Variants in BAG3 observed in about 807,000 individuals in gnomAD.
The protein encoded by BAG3 is BAG cochaperone 3.
BAG3 carries 14 observed loss-of-function variants against 40.5 expected under a neutral mutation model. That is an observed-to-expected ratio of 0.35 (90% CI 0.23 to 0.54). BAG3 has a LOEUF of 0.54. Among genes scored for constraint, BAG3 ranks in the 20% least tolerant of loss-of-function variants. The probability of loss-of-function intolerance (pLI) is 0.91; values close to 1 mark genes in which losing one functional copy is unlikely to be tolerated. For missense variants in BAG3, 788 were observed against 758.6 expected (o/e 1.04, Z -0.46); for synonymous variants, 302 against 307.8 (o/e 0.98, Z 0.20).
chr10:119,653,116 G>C (rs143596459), intron 1 of BAG3, among the ~76,000 whole-genome samples: 51 of 152,226 alleles, frequency 3.4e-4, no homozygotes, highest in Middle Eastern at 3.4e-3. Context: ...TGCACTTTTT[G>C]TTTTAACAAT....
Position 119,672,489 on chromosome 10 carries a change from C to T in BAG3, c.742C>T (p.His248Tyr), listed in dbSNP as rs753879943. 5.6e-6 allele frequency: 9 copies of T among 1,614,226 alleles called. No homozygotes were observed. The highest frequency in any genetic ancestry group is 7.6e-6 in the Non-Finnish European group (9 of 1,180,036). ...GEYQTHQPVY[H>Y]KIQGDDWEPR... ...GTACCAGACCCACCAGCCTGTGTAC[C>T]ACAAGATCCAGGGGGATGACTGGGA... Residue 248 changes from histidine to tyrosine, a missense_variant, in exon 3 of 4, where the codon CAC becomes TAC. His to Tyr is a moderately conservative substitution (Grantham distance 83). Coordinates refer to ENST00000369085, the MANE Select transcript of BAG3 (RefSeq NM_004281.4). This position sits in a 1 kb window ranked among gnomAD's most constrained non-coding sequence, Gnocchi z 4.8.
chr10:119,667,196 T>G (rs1440408878), intron 1 of BAG3, among the ~76,000 whole-genome samples: 2 of 152,126 alleles, frequency 1.3e-5, no homozygotes, highest in Non-Finnish European at 2.9e-5. Context: ...AGGCTGGTCT[T>G]GAACTCCTGA....
At chr10:119,674,687 G>A (rs925123494) in intron 3 of BAG3, among the ~76,000 whole-genome samples, 3 of 152,216 alleles carry the variant, frequency 2.0e-5, no homozygotes, top group South Asian at 2.1e-4. Flanking sequence ...AAGGCCAAGC[G>A]CAGTGGCTCA....
chr10:119,653,468 T>G (rs1412270460), intron 1 of BAG3, among the ~76,000 whole-genome samples: 2 of 152,196 alleles, frequency 1.3e-5, no homozygotes, highest in African/African-American at 4.8e-5. Flanking sequence ...ACATAAACAT[T>G]CCCAGCACTT....
chr10:119,659,005 T>A (rs946068538), intron 1 of BAG3, among the ~76,000 whole-genome samples: 4 of 151,968 alleles, frequency 2.6e-5, no homozygotes, highest in African/African-American at 9.7e-5. Context: ...AGGCCTGGGG[T>A]CTTGTTTCTT....
intron 2 of BAG3, 150 bp downstream of exon 2, chr10:119,670,327 G>A: frequency 1.2e-6 from 1 of 820,202 alleles, no homozygotes; most frequent in Non-Finnish European, 1.9e-6. Context: ...AGGTCACCCA[G>A]CAAAGACAGG....
intron 3 of BAG3, among the ~76,000 whole-genome samples, chr10:119,674,426 G>A (rs1400857408): frequency 6.6e-6 from 1 of 152,212 alleles, no homozygotes; most frequent in African/African-American, 2.4e-5. Context: ...CTCATCATCA[G>A]TGAAATGATA....
Position 119,677,585 on chromosome 10 carries a change from C to T in BAG3, c.*303C>T. 2.1e-6 allele frequency: 1 copy of T among 468,794 alleles called. No individual in the cohort carries two copies. Among genetic ancestry groups the T allele is most frequent in the Non-Finnish European group, 3.9e-6 (1 of 256,570 alleles). 29.0% of individuals were successfully genotyped at this position (468,794 alleles called of 1,614,324 possible). On this transcript the variant is annotated 3_prime_UTR_variant, in exon 4 of 4. Transcript: ENST00000369085. ...CCTGTTAGCTGTGGTTGTGCACTGT[C>T]TTTTGTAGCTCTGGACTGGAGGGGT... is the stretch of plus-strand genomic sequence containing the variant.
chr10:119,677,552 C>G lies in BAG3; in HGVS notation c.*270C>G, dbSNP rs1589633311. On this transcript the variant is annotated 3_prime_UTR_variant, in exon 4 of 4. Coordinates refer to ENST00000369085, the MANE Select transcript of BAG3 (RefSeq NM_004281.4). Reference sequence around the variant, plus strand: ...TCTGCAGCCCTGTCTACTTGGGCACCCCCACCACCTGTTAGCTGTGGTTGT... The same window carrying G: ...TCTGCAGCCCTGTCTACTTGGGCACGCCCACCACCTGTTAGCTGTGGTTGT... The G allele has an allele frequency of 1.9e-6, 1 of 534,228 alleles. No homozygotes were observed. Among genetic ancestry groups the G allele is most frequent in the East Asian group, 3.4e-5 (1 of 29,032 alleles). 33.1% of individuals were successfully genotyped at this position (534,228 alleles called of 1,614,324 possible).
Position 119,677,684 on chromosome 10 carries a change from T to C in BAG3, c.*402T>C, listed in dbSNP as rs541591765. The C allele has an allele frequency of 6.2e-4, 151 of 243,956 alleles. No individual in the cohort carries two copies. Among genetic ancestry groups the C allele is most frequent in the Non-Finnish European group, 1.1e-3 (131 of 123,662 alleles). 15.1% of individuals were successfully genotyped at this position (243,956 alleles called of 1,614,324 possible). On this transcript the variant is annotated 3_prime_UTR_variant, in exon 4 of 4. Transcript: ENST00000369085. ...AATGTTGCCATTTTAATGAGATGATTTTCTTCATCTCATAATTAAAATACC... is the reference window on the plus strand; with the variant it reads ...AATGTTGCCATTTTAATGAGATGATCTTCTTCATCTCATAATTAAAATACC...
At chr10:119,654,823 A>C (rs1205899776) in intron 1 of BAG3, among the ~76,000 whole-genome samples, 1 of 152,176 alleles carries the variant, frequency 6.6e-6, no homozygotes, top group African/African-American at 2.4e-5. Flanking sequence ...TGTTCCCGCC[A>C]GGCCTCCTTG....
Position 119,669,997 on chromosome 10 carries a change from C to T in BAG3, c.327C>T (p.His109=). The change falls in exon 2 of 4, where the codon CAC becomes CAT. Residue 109 remains histidine, a synonymous_variant. Coordinates refer to ENST00000369085, the MANE Select transcript of BAG3 (RefSeq NM_004281.4). ...AAGGCGCTGAGAACCGGCAGGTGCA[C>T]CCTTTCCATGTCTATCCCCAGCCTG... is the stretch of plus-strand genomic sequence containing the variant. ...LHEGAENRQV[H]PFHVYPQPGM... is the part of the protein sequence containing the mutation. 3 of 1,614,236 alleles carry T rather than the reference C, an allele frequency of 1.9e-6. No individual in the cohort carries two copies. The highest frequency in any genetic ancestry group is 2.5e-6 in the Non-Finnish European group (3 of 1,180,036).
rs1589630001 is a variant in BAG3, at chr10:119,672,261, C to G, written c.514C>G (p.Gln172Glu). 1 of 1,613,130 alleles carries G rather than the reference C, an allele frequency of 6.2e-7. No homozygotes were observed. Among genetic ancestry groups the G allele is most frequent in the African/African-American group, 1.3e-5 (1 of 74,906 alleles). Residue 172 changes from glutamine to glutamate, a missense_variant, in exon 3 of 4, where the codon CAG (glutamine) becomes GAG (glutamate). Physicochemically the swap from Gln to Glu is conservative, Grantham distance 29. Coordinates refer to ENST00000369085, the MANE Select transcript of BAG3 (RefSeq NM_004281.4). The surrounding 1 kb of genome is among the most constrained non-coding windows in gnomAD (Gnocchi z 4.8). ...PPASHGPERS[Q>E]SPAASDCSSS... ...TACCCTGTGTCTCTTGCAGCGGTCCCAGTCTCCAGCTGCCTCTGACTGCTC... is the reference window on the plus strand; with the variant it reads ...TACCCTGTGTCTCTTGCAGCGGTCCGAGTCTCCAGCTGCCTCTGACTGCTC...
chr10:119,662,215 G>GTT (rs367864009), intron 1 of BAG3, among the ~76,000 whole-genome samples: 8,856 of 89,584 alleles, frequency 0.099, 1,102 homozygotes, highest in East Asian at 0.2. Context: ...GCCTGGCTAT[G>GTT]TTTTTTTTTT....
intron 1 of BAG3, among the ~76,000 whole-genome samples, chr10:119,659,151 G>A (rs538931691): frequency 2.6e-5 from 4 of 152,358 alleles, no homozygotes; most frequent in African/African-American, 9.6e-5. Context: ...AACAGTAACA[G>A]ATGAAGCTGC....
intron 1 of BAG3, among the ~76,000 whole-genome samples, chr10:119,658,699 T>C (rs2134055237): frequency 6.6e-6 from 1 of 152,300 alleles, no homozygotes; most frequent in Non-Finnish European, 1.5e-5. Flanking sequence ...TACCTGGCCT[T>C]ACCATCAGAC....
intron 3 of BAG3, among the ~76,000 whole-genome samples, chr10:119,674,283 G>A (rs1419227485): frequency 1.3e-5 from 2 of 152,212 alleles, no homozygotes; most frequent in East Asian, 1.9e-4. Flanking sequence ...CTGCATTGGC[G>A]AAAGAGATTT....
In BAG3 at chr10:119,672,143, G is replaced by GGTC; in HGVS notation, c.508-111_508-109dup. The GGTC allele has an allele frequency of 2.2e-6, 3 of 1,392,850 alleles. No individual in the cohort carries two copies. The highest frequency in any genetic ancestry group is 3.0e-6 in the Non-Finnish European group (3 of 993,740). 86.3% of individuals were successfully genotyped at this position (1,392,850 alleles called of 1,614,324 possible). On this transcript the variant is annotated intron_variant, in intron 2 of 3. Transcript: ENST00000369085. This position sits in a 1 kb window ranked among gnomAD's most constrained non-coding sequence, Gnocchi z 4.8. The stretch of plus-strand genomic sequence containing the variant: ...TGAAAATTGAAAATTACAGATAGGA[G>GGTC]GTCTTACAATATGGATTGCCCTGAG...
intron 1 of BAG3, among the ~76,000 whole-genome samples, chr10:119,656,858 C>G (rs962634397): frequency 6.6e-6 from 1 of 152,068 alleles, no homozygotes; most frequent in Admixed American, 6.6e-5. Flanking sequence ...TCCTCACCAG[C>G]TCTTTGAACT....
Sources: allele counts gnomAD v4.1 joint callset (sites outside exome capture counted in the v4.1 genomes callset), GRCh38; gene constraint gnomAD v4.1.1; non-coding constraint Gnocchi (gnomAD v3.1); transcripts MANE v1.5; gene names NCBI Gene and HGNC (gene_info 2026-07-23, HGNC 2026-07-21).